The following RBFOX1 variants were observed in gnomAD, a reference collection of about 807,000 sequenced individuals.
RBFOX1 encodes RNA binding protein fox-1 homolog 1.
Under a neutral mutation model 57.7 loss-of-function variants are expected in RBFOX1, and 8 were observed. That is an observed-to-expected ratio of 0.14 (90% CI 0.08 to 0.25). The LOEUF (loss-of-function observed/expected upper bound fraction) is 0.25, where lower values mean the gene tolerates loss of function less well. Among genes scored for constraint, RBFOX1 ranks in the 10% least tolerant of loss-of-function variants. RBFOX1 has a pLI of 1.00. For synonymous variants in RBFOX1, 326 were observed against 222.4 expected, an observed-to-expected ratio of 1.47 and a Z score of -4.15; for missense variants, 611 against 548.5, an observed-to-expected ratio of 1.11 and a Z score of -1.14.
chr16:5,420,228 G>C (rs982854702), intron 1 of RBFOX1, among the ~76,000 whole-genome samples: 1 of 152,070 alleles, frequency 6.6e-6, no homozygotes, highest in Non-Finnish European at 1.5e-5. Context: ...CAAACAAGGT[G>C]GATTTATGTT....
At chr16:7,132,433 G>GACACAC (rs36226659) in intron 4 of RBFOX1, among the ~76,000 whole-genome samples, 65 of 144,912 alleles carry the variant, frequency 4.5e-4, no homozygotes, top group South Asian at 6.7e-4. Flanking sequence ...GTGATACACA[G>GACACAC]ACACACACAC....
At chr16:5,507,433 A>C (rs548639392) in intron 2 of RBFOX1, among the ~76,000 whole-genome samples, 2 of 152,124 alleles carry the variant, frequency 1.3e-5, no homozygotes, top group African/African-American at 4.8e-5. Flanking sequence ...CATGTGGTGC[A>C]TGAATGGGGG....
intron 3 of RBFOX1, among the ~76,000 whole-genome samples, chr16:6,821,302 C>T (rs1462050727): frequency 1.3e-5 from 2 of 152,186 alleles, no homozygotes; most frequent in Non-Finnish European, 2.9e-5. Context: ...CCTCTCTTCC[C>T]TATTACTAAG....
At chr16:7,566,191 CAGTG>C (rs1488345568) in intron 5 of RBFOX1, among the ~76,000 whole-genome samples, 3 of 152,132 alleles carry the variant, frequency 2.0e-5, no homozygotes, top group Non-Finnish European at 4.4e-5. Flanking sequence ...GAAAACCTGT[CAGTG>C]AGGGCTTAAC....
intron 4 of RBFOX1, among the ~76,000 whole-genome samples, chr16:7,379,204 A>T (rs994259535): frequency 6.6e-6 from 1 of 152,224 alleles, no homozygotes; most frequent in African/African-American, 2.4e-5. Flanking sequence ...GGAAGAGAAA[A>T]AAAAGCTGAG....
intron 1 of RBFOX1, among the ~76,000 whole-genome samples, chr16:5,287,256 A>C (rs1484900515): frequency 6.6e-6 from 1 of 151,966 alleles, no homozygotes; most frequent in East Asian, 1.9e-4. Flanking sequence ...GTGAGCTCTG[A>C]CTGTTCCACT....
chr16:5,380,084 G>C (rs2066093014), intron 1 of RBFOX1, among the ~76,000 whole-genome samples: 1 of 152,166 alleles, frequency 6.6e-6, no homozygotes, highest in Non-Finnish European at 1.5e-5. Context: ...CCAATTTTGA[G>C]AGGGTTAAGG....
intron 1 of RBFOX1, among the ~76,000 whole-genome samples, chr16:5,323,159 C>G (rs535277921): frequency 6.6e-6 from 1 of 152,314 alleles, no homozygotes; most frequent in African/African-American, 2.4e-5. Flanking sequence ...GGACATATGA[C>G]AAAGTGCTGT....
chr16:5,451,223 T>C (rs2068417116), intron 1 of RBFOX1, among the ~76,000 whole-genome samples: 1 of 152,150 alleles, frequency 6.6e-6, no homozygotes, highest in Non-Finnish European at 1.5e-5. Flanking sequence ...CTAAGACCCA[T>C]TTAATTCCAC....
At chr16:7,597,955 T>C (rs1013023187) in intron 9 of RBFOX1, among the ~76,000 whole-genome samples, 1 of 152,168 alleles carries the variant, frequency 6.6e-6, no homozygotes, top group African/African-American at 2.4e-5. Context: ...GGCTGCTCAG[T>C]GTTATTTTGG....
chr16:7,320,679 C>T (rs2096529764), intron 4 of RBFOX1, among the ~76,000 whole-genome samples: 1 of 152,222 alleles, frequency 6.6e-6, no homozygotes, highest in Admixed American at 6.5e-5. Flanking sequence ...GTAAGTGAAT[C>T]ATCATTTAAA....
At chr16:7,469,499 A>G (rs751162474) in intron 4 of RBFOX1, among the ~76,000 whole-genome samples, 21 of 152,120 alleles carry the variant, frequency 1.4e-4, no homozygotes, top group Non-Finnish European at 2.8e-4. Context: ...CTCATCCTTC[A>G]TATCTCAGCT....
chr16:5,914,100 G>A (rs777541209), intron 4 of RBFOX1, among the ~76,000 whole-genome samples: 1 of 152,188 alleles, frequency 6.6e-6, no homozygotes, highest in Non-Finnish European at 1.5e-5. Context: ...GGACTTTCAA[G>A]CTGTGTTGTC....
At chr16:6,352,675 A>G (rs890535199) in intron 2 of RBFOX1, among the ~76,000 whole-genome samples, 2 of 152,190 alleles carry the variant, frequency 1.3e-5, no homozygotes, top group African/African-American at 4.8e-5. Context: ...ACATTGCTCA[A>G]AAAGGATATC....
chr16:5,976,547 T>C (rs1442860584), intron 4 of RBFOX1, among the ~76,000 whole-genome samples: 1 of 152,120 alleles, frequency 6.6e-6, no homozygotes, highest in East Asian at 1.9e-4. Flanking sequence ...CTGAGGAACA[T>C]CACGGTCTCT....
At chr16:6,945,258 A>C (rs1248157408) in intron 3 of RBFOX1, among the ~76,000 whole-genome samples, 1 of 152,106 alleles carries the variant, frequency 6.6e-6, no homozygotes. Flanking sequence ...TGGGCAAGTC[A>C]TGTGACCTCT....
chr16:6,682,083 A>G (rs1337518852), intron 3 of RBFOX1, among the ~76,000 whole-genome samples: 1 of 152,222 alleles, frequency 6.6e-6, no homozygotes, highest in African/African-American at 2.4e-5. Flanking sequence ...CCAATAGAAC[A>G]AAATGTCACG....
chr16:5,657,627 TC>T (rs1044377143), intron 3 of RBFOX1, among the ~76,000 whole-genome samples: 1 of 59,112 alleles, frequency 1.7e-5, no homozygotes, highest in African/African-American at 7.3e-5. Context: ...TTTCTCTCTT[TC>T]TTTCTTTCTT....
intron 4 of RBFOX1, among the ~76,000 whole-genome samples, chr16:7,501,001 A>G (rs1459070859): frequency 2.6e-5 from 4 of 152,120 alleles, no homozygotes; most frequent in Non-Finnish European, 5.9e-5. Context: ...CCATGTGAAG[A>G]AGGACATATT....
Sources: allele counts gnomAD v4.1 joint callset (sites outside exome capture counted in the v4.1 genomes callset), GRCh38; gene constraint gnomAD v4.1.1; transcripts MANE v1.5; gene names NCBI Gene and HGNC (gene_info 2026-07-23, HGNC 2026-07-21).